The following HAUS7 variants were observed in gnomAD, a reference collection of about 807,000 sequenced individuals.
HAUS7 encodes the protein HAUS augmin-like complex subunit 7.
In HAUS7, 3 loss-of-function variants were observed where a neutral mutation model predicts 28.4. That is an observed-to-expected ratio of 0.11 (90% CI 0.05 to 0.27). HAUS7 has a LOEUF of 0.27. Among genes scored for constraint, HAUS7 ranks in the 10% least tolerant of loss-of-function variants. The pLI is 1.00. For missense variants in HAUS7, 284 were observed against 297.3 expected (o/e 0.96, Z 0.33); for synonymous variants, 165 against 132.1 (o/e 1.25, Z -1.71).
intron 4 of HAUS7, among the ~76,000 whole-genome samples, chrX:153,460,371 C>T (rs1268229750): frequency 3.6e-5 from 4 of 111,612 alleles, no homozygotes; most frequent in Admixed American, 9.5e-5. Context: ...ACCACTAAAT[C>T]GTACGCTTTA....
At chrX:153,456,943 C>G in intron 5 of HAUS7, 194 bp downstream of exon 5, 1 of 445,366 alleles carries the variant, frequency 2.2e-6, no homozygotes, top group African/African-American at 2.4e-5. Context: ...TGGGCAACAG[C>G]CAGCACCCTT....
chrX:153,483,375 G>A, intron 1 of HAUS7: 1 of 755,642 alleles, frequency 1.3e-6, no homozygotes, highest in South Asian at 6.7e-5. Context: ...CACAGCCTCA[G>A]CGTGCTGGTG....
rs781987063 is a variant in HAUS7, at chrX:153,470,468, C to A, written c.90G>T (p.Glu30Asp). ...ACAGCACCTTCAGCTTCCCGAACAC[C>A]TCCACAGCCGCCCTGGACACGCTGC... ...GDSSVSRAAV[E>D]VFGKLKDLNC... The change falls in exon 1 of 10, where the codon GAG (glutamate) becomes GAT (aspartate). Residue 30 changes from glutamate (E) to aspartate (D), a missense_variant. Physicochemically the swap from Glu to Asp is conservative, Grantham distance 45 (BLOSUM62 2). Coordinates refer to ENST00000370211, the MANE Select transcript of HAUS7 (RefSeq NM_001385482.1). 16 of 1,209,446 alleles carry A rather than the reference C, an allele frequency of 1.3e-5. No individual in the cohort carries two copies. In the South Asian group the frequency reaches 2.3e-4, roughly 17 times the overall value.
chrX:153,454,740 C>T, intron 8 of HAUS7: 1 of 516,865 alleles, frequency 1.9e-6, no homozygotes, highest in Non-Finnish European at 3.3e-6. Context: ...GGATGCCACA[C>T]TCTCATGTCG....
chrX:153,482,815 G>A, intron 1 of HAUS7: 1 of 708,975 alleles, frequency 1.4e-6, no homozygotes, highest in Non-Finnish European at 1.7e-6. Flanking sequence ...TGCTCTATCT[G>A]AGGCTGGACC....
intron 4 of HAUS7, among the ~76,000 whole-genome samples, chrX:153,460,525 T>G (rs781929199): frequency 1.8e-5 from 2 of 109,437 alleles, no homozygotes; most frequent in Non-Finnish European, 3.8e-5. Context: ...ATGATACAAT[T>G]TAGGTGATGT....
chrX:153,456,231 C>G, intron 7 of HAUS7, 34 bp downstream of exon 7: 1 of 1,117,568 alleles, frequency 8.9e-7, no homozygotes, highest in Non-Finnish European at 1.2e-6. Flanking sequence ...GCCTTGCCTC[C>G]AAGCAACCCC....
At chrX:153,459,660 T>C in intron 4 of HAUS7, among the ~76,000 whole-genome samples, 1 of 111,727 alleles carries the variant, frequency 9.0e-6, no homozygotes, top group Middle Eastern at 4.2e-3. Context: ...CGGGGTGTCA[T>C]ATTGTTCTAG....
intron 8 of HAUS7, 128 bp downstream of exon 8, chrX:153,455,413 GC>G: frequency 2.1e-6 from 1 of 486,533 alleles, no homozygotes; most frequent in Non-Finnish European, 3.5e-6. Context: ...GCCCCTCCCA[GC>G]CCCTGGTCCT....
At chrX:153,486,257 A>G (rs1569531770) in intron 1 of HAUS7, among the ~76,000 whole-genome samples, 1 of 112,498 alleles carries the variant, frequency 8.9e-6, no homozygotes, top group Non-Finnish European at 1.9e-5. Context: ...GCAGAGGCCG[A>G]GGGCAGGAGT....
chrX:153,482,182 C>A, intron 1 of HAUS7: 1 of 422,901 alleles, frequency 2.4e-6, no homozygotes, highest in Non-Finnish European at 3.0e-6. Flanking sequence ...CCCAGACAGG[C>A]CTGGATTCAG....
intron 1 of HAUS7, 39 bp downstream of exon 1, chrX:153,470,411 G>C: frequency 2.6e-6 from 3 of 1,172,380 alleles, no homozygotes; most frequent in East Asian, 3.2e-5. Context: ...GGCCCTCCCC[G>C]GTCCCCCGCC....
At chrX:153,481,242 T>C in intron 1 of HAUS7, 1 of 558,605 alleles carries the variant, frequency 1.8e-6, no homozygotes, top group Non-Finnish European at 2.1e-6. Flanking sequence ...CAGTAACCTG[T>C]CGCTCCAACC....
chrX:153,450,171 G>A (rs2089221371), intron 9 of HAUS7, among the ~76,000 whole-genome samples: 1 of 111,426 alleles, frequency 9.0e-6, no homozygotes, highest in African/African-American at 3.3e-5. Context: ...TGGAGGCGAG[G>A]CAGGGATCAG....
chrX:153,462,128 G>T, intron 4 of HAUS7: 1 of 1,043,519 alleles, frequency 9.6e-7, no homozygotes, highest in Non-Finnish European at 1.3e-6. Flanking sequence ...AATGTTTATA[G>T]TAGCATTACT....
chrX:153,492,442 G>T (rs1237542124), intron 1 of HAUS7, among the ~76,000 whole-genome samples: 1 of 112,138 alleles, frequency 8.9e-6, no homozygotes, highest in Non-Finnish European at 1.9e-5. Flanking sequence ...CGAGTGACTC[G>T]GTGGGCCCCG....
In HAUS7 at chrX:153,470,491, T is replaced by G. The variant is rs782035823; in HGVS notation, c.67A>C (p.Ser23Arg). Residue 23 changes from serine (S) to arginine (R), a missense_variant, in exon 1 of 10, where the codon AGC (serine) becomes CGC (arginine). Physicochemically the swap from Ser to Arg is moderately radical, Grantham distance 110. Transcript: ENST00000370211. ...DDYSEDEGDS[S>R]VSRAAVEVFG... is the part of the protein sequence containing the mutation. ...ACCTCCACAGCCGCCCTGGACACGC[T>G]GCTGTCGCCCTCGTCCTCTGAGTAG... The G allele has an allele frequency of 1.2e-5, 15 of 1,205,420 alleles. No individual in the cohort carries two copies. In the South Asian group the frequency reaches 2.7e-4, roughly 21 times the overall value.
chrX:153,483,308 C>G, intron 1 of HAUS7: 1 of 755,076 alleles, frequency 1.3e-6, no homozygotes, highest in Non-Finnish European at 1.6e-6. Flanking sequence ...ACCCTAGGAG[C>G]TGCACCTGGG....
At position 153,486,548 on chromosome X, in the gene HAUS7, G is replaced by A. The variant is rs2089639207; in HGVS notation, c.-589+8826C>T. On this transcript the variant is annotated intron_variant, in intron 1 of 5. Coordinates refer to the HAUS7 transcript ENST00000370210. Reference sequence around the variant, plus strand: ...TCTTACTGCTTCTCTCAGGGCAGGGGTCTCTGTCTCTTCTTGAATGATGCC... The same window carrying A: ...TCTTACTGCTTCTCTCAGGGCAGGGATCTCTGTCTCTTCTTGAATGATGCC... The A allele has an allele frequency of 1.2e-5, 9 of 758,936 alleles. No homozygotes were observed. In the South Asian group the frequency reaches 2.0e-4, roughly 17 times the overall value. 62.5% of individuals were successfully genotyped at this position (758,936 alleles called of 1,213,427 possible).
Sources: gnomAD v4.1 joint callset for allele counts (sites outside exome capture counted in the v4.1 genomes callset) on GRCh38, gnomAD v4.1.1 for gene constraint, MANE v1.5 for transcripts, NCBI Gene and HGNC (gene_info 2026-07-23, HGNC 2026-07-21) for gene names.